The following PHF24 variants were observed in gnomAD, a reference collection of about 807,000 sequenced individuals.
PHF24 encodes PHD finger protein 24, also known as Galpha inhibitory interacting protein.
In PHF24, 25 loss-of-function variants were observed where a neutral mutation model predicts 42.6. The observed-to-expected ratio is 0.59, with a 90% CI of 0.43 to 0.82. The LOEUF (loss-of-function observed/expected upper bound fraction) is 0.82, where lower values mean the gene tolerates loss of function less well. PHF24 is among the 40% of genes least tolerant of loss of function. PHF24 has a pLI of 0.00. For synonymous variants in PHF24, 185 were observed against 204.8 expected, an observed-to-expected ratio of 0.90 and a Z score of 0.83; for missense variants, 470 against 538.1, an observed-to-expected ratio of 0.87 and a Z score of 1.25.
At chr9:34,688,820 T>C in the PHF24 span, among the ~76,000 whole-genome samples, 1 of 152,194 alleles carries the variant, frequency 6.6e-6, no homozygotes, top group South Asian at 2.1e-4. Flanking sequence ...CAAATATTTA[T>C]TGAGGGACTG....
At chr9:34,905,852 T>C in the PHF24 span, among the ~76,000 whole-genome samples, 2 of 152,224 alleles carry the variant, frequency 1.3e-5, no homozygotes, top group African/African-American at 4.8e-5. Context: ...TAGATTTTAT[T>C]TTGTCTTCGT....
the PHF24 span, among the ~76,000 whole-genome samples, chr9:34,913,239 G>A: frequency 2.0e-5 from 3 of 152,162 alleles, no homozygotes; most frequent in African/African-American, 7.2e-5. Context: ...GGAATTCCAG[G>A]AGAGGAGAAA....
chr9:34,895,059 G>C, the PHF24 span: 1 of 398,514 alleles, frequency 2.5e-6, no homozygotes, highest in Non-Finnish European at 4.4e-6. Flanking sequence ...TCTATCTCCA[G>C]ACTTTTGTTG....
chr9:34,913,733 T>C, the PHF24 span, among the ~76,000 whole-genome samples: 1 of 152,146 alleles, frequency 6.6e-6, no homozygotes, highest in Non-Finnish European at 1.5e-5. Flanking sequence ...ATAGATGGTA[T>C]AGGTCTGGCT....
At chr9:34,788,318 T>C in the PHF24 span, among the ~76,000 whole-genome samples, 1 of 152,172 alleles carries the variant, frequency 6.6e-6, no homozygotes, top group African/African-American at 2.4e-5. Flanking sequence ...GCTGGGATTA[T>C]AGGTGTGAGT....
the PHF24 span, among the ~76,000 whole-genome samples, chr9:34,933,507 G>A: frequency 1.3e-5 from 2 of 151,978 alleles, no homozygotes; most frequent in Non-Finnish European, 2.9e-5. Context: ...AGTGGATCAC[G>A]AGGTGAGGAG....
the PHF24 span, among the ~76,000 whole-genome samples, chr9:34,912,248 G>T: frequency 6.6e-6 from 1 of 152,062 alleles, no homozygotes; most frequent in African/African-American, 2.4e-5. Context: ...GTGGGTGGAT[G>T]GAAGAGTTCC....
At chr9:34,875,286 C>A in the PHF24 span, among the ~76,000 whole-genome samples, 2 of 152,164 alleles carry the variant, frequency 1.3e-5, no homozygotes, top group African/African-American at 2.4e-5. Context: ...CCACAATATT[C>A]TTCTTGTCTT....
chr9:34,766,074 T>C, the PHF24 span, among the ~76,000 whole-genome samples: 1 of 152,234 alleles, frequency 6.6e-6, no homozygotes, highest in Non-Finnish European at 1.5e-5. Flanking sequence ...AGATCCGCTG[T>C]TAGTCTGATG....
At chr9:34,928,744 G>T in the PHF24 span, among the ~76,000 whole-genome samples, 1 of 152,108 alleles carries the variant, frequency 6.6e-6, no homozygotes, top group South Asian at 2.1e-4. Context: ...TTTTCTGCTG[G>T]ACTCCAATTG....
the PHF24 span, among the ~76,000 whole-genome samples, chr9:34,703,860 C>G: frequency 1.3e-5 from 2 of 152,024 alleles, no homozygotes; most frequent in Non-Finnish European, 2.9e-5. Flanking sequence ...GCCACCGCAC[C>G]TGGCCGACTG....
chr9:34,869,340 A>C, the PHF24 span, among the ~76,000 whole-genome samples: 1 of 152,206 alleles, frequency 6.6e-6, no homozygotes, highest in Non-Finnish European at 1.5e-5. Flanking sequence ...ACTGTCTTCT[A>C]TAATGGTTGA....
chr9:34,826,475 CA>C, the PHF24 span, among the ~76,000 whole-genome samples: 2 of 152,206 alleles, frequency 1.3e-5, no homozygotes, highest in African/African-American at 4.8e-5. Context: ...CCACATGGTG[CA>C]GGAAGCAGTG....
At chr9:34,925,482 A>G in the PHF24 span, among the ~76,000 whole-genome samples, 2 of 152,150 alleles carry the variant, frequency 1.3e-5, no homozygotes, top group Non-Finnish European at 2.9e-5. Flanking sequence ...AGGAACACCC[A>G]TAATACAAAT....
At chr9:34,883,965 C>A in the PHF24 span, among the ~76,000 whole-genome samples, 12 of 152,164 alleles carry the variant, frequency 7.9e-5, no homozygotes, top group African/African-American at 2.4e-4. Flanking sequence ...GGAACCAGCC[C>A]AAATGTCCAT....
the PHF24 span, among the ~76,000 whole-genome samples, chr9:34,847,811 G>A: frequency 6.6e-6 from 1 of 152,090 alleles, no homozygotes; most frequent in Non-Finnish European, 1.5e-5. Flanking sequence ...TTAGCATGAA[G>A]CGTTGTTGAA....
the PHF24 span, among the ~76,000 whole-genome samples, chr9:34,901,482 A>G: frequency 6.6e-6 from 1 of 152,238 alleles, no homozygotes; most frequent in Non-Finnish European, 1.5e-5. Flanking sequence ...AAAAAATTAT[A>G]AGGAGAAAAG....
intron 1 of PHF24, among the ~76,000 whole-genome samples, chr9:34,960,756 A>G (rs535021775): frequency 1.3e-5 from 2 of 152,294 alleles, no homozygotes; most frequent in South Asian, 4.1e-4. Flanking sequence ...CATGTCCAGC[A>G]TTGGGTAAAA....
the PHF24 span, among the ~76,000 whole-genome samples, chr9:34,810,484 C>A: frequency 6.6e-6 from 1 of 152,178 alleles, no homozygotes; most frequent in Admixed American, 6.5e-5. Context: ...CACAAAGGTG[C>A]TCTCGAGCTG....
Sources: gnomAD v4.1 joint callset for allele counts (sites outside exome capture counted in the v4.1 genomes callset) on GRCh38, gnomAD v4.1.1 for gene constraint, MANE v1.5 for transcripts, NCBI Gene and HGNC (gene_info 2026-07-23, HGNC 2026-07-21) for gene names.